Variants in SRPK2 observed in about 807,000 individuals in gnomAD.
SRPK2 encodes SFRS protein kinase 2.
Under a neutral mutation model 90.8 loss-of-function variants are expected in SRPK2, and 21 were observed. The observed-to-expected ratio is 0.23, with a 90% CI of 0.16 to 0.33. The LOEUF (loss-of-function observed/expected upper bound fraction) is 0.33, where lower values mean the gene tolerates loss of function less well. Ranked by LOEUF, SRPK2 falls within the 10% of genes least tolerant of loss-of-function variation. SRPK2 has a pLI of 1.00. For missense variants in SRPK2, 620 were observed against 869.0 expected (o/e 0.71, Z 3.60); for synonymous variants, 288 against 311.1 (o/e 0.93, Z 0.78).
intron 2 of SRPK2, among the ~76,000 whole-genome samples, chr7:105,299,142 C>T (rs1810216420): frequency 1.3e-5 from 2 of 152,236 alleles, no homozygotes; most frequent in East Asian, 3.8e-4. Flanking sequence ...GCCTCTGTTT[C>T]TCTACAGTCC....
At chr7:105,244,415 C>G (rs1801280059) in intron 2 of SRPK2, among the ~76,000 whole-genome samples, 2 of 152,144 alleles carry the variant, frequency 1.3e-5, no homozygotes. Flanking sequence ...ACTAAAAATA[C>G]AAAAATTAGC....
At chr7:105,294,705 T>C (rs1809556628) in intron 2 of SRPK2, among the ~76,000 whole-genome samples, 1 of 152,096 alleles carries the variant, frequency 6.6e-6, no homozygotes, top group African/African-American at 2.4e-5. Flanking sequence ...TTTCTATTTT[T>C]AGTAGAGACA....
At position 105,142,178 on chromosome 7, in the gene SRPK2, T is replaced by C. The variant is rs1438961969; in HGVS notation, c.1373A>G (p.Glu458Gly). ...ELPNGRHKIP[E>G]SQFPEFSTSL... is the part of the protein sequence containing the mutation. ...GGTGGAAAACTCTGGGAACTGTGAC[T>C]CGGGAATTTTATGTCGTCCATTTGG... is the stretch of plus-strand genomic sequence containing the variant. The change falls in exon 11 of 16, where the codon GAG (glutamate) becomes GGG (glycine). Residue 458 changes from glutamate to glycine, a missense_variant. By Grantham distance (98) the Glu-to-Gly change is moderately conservative. Coordinates refer to ENST00000393651, the MANE Select transcript of SRPK2 (RefSeq NM_182692.3). The C allele has an allele frequency of 6.2e-7, 1 of 1,614,026 alleles. No individual in the cohort carries two copies. Among genetic ancestry groups the C allele is most frequent in the African/African-American group, 1.3e-5 (1 of 74,918 alleles).
At chr7:105,123,486 A>C (rs999889480) in intron 15 of SRPK2, among the ~76,000 whole-genome samples, 2 of 152,218 alleles carry the variant, frequency 1.3e-5, no homozygotes, top group African/African-American at 4.8e-5. Context: ...AGCTGTTTTA[A>C]ATTTTGTTAT....
intron 7 of SRPK2, among the ~76,000 whole-genome samples, chr7:105,150,030 T>C (rs1428806241): frequency 1.3e-5 from 2 of 151,854 alleles, no homozygotes; most frequent in Non-Finnish European, 2.9e-5. Context: ...GAAATGAGTA[T>C]GACGGGTGGG....
intron 2 of SRPK2, among the ~76,000 whole-genome samples, chr7:105,388,220 G>A (rs1821864268): frequency 6.6e-6 from 1 of 151,904 alleles, no homozygotes; most frequent in Non-Finnish European, 1.5e-5. Context: ...TCGGCCCGCG[G>A]CTCAGGTGGG....
At chr7:105,390,841 G>A (rs577736620), upstream of SRPK2, among the ~76,000 whole-genome samples, 1 of 151,742 alleles carries the variant, frequency 6.6e-6, no homozygotes, top group Admixed American at 6.6e-5. Flanking sequence ...TCCCTGTTTT[G>A]GATTTGTCTG....
chr7:105,192,494 G>A (rs1215393597), intron 3 of SRPK2, among the ~76,000 whole-genome samples: 1 of 152,212 alleles, frequency 6.6e-6, no homozygotes, highest in African/African-American at 2.4e-5. Flanking sequence ...TGTGAATTGT[G>A]CTGCTATAAA....
intron 3 of SRPK2, among the ~76,000 whole-genome samples, chr7:105,199,935 G>C (rs1262209809): frequency 6.8e-6 from 1 of 147,828 alleles, no homozygotes; most frequent in African/African-American, 2.5e-5. Flanking sequence ...TCTGTGAAAA[G>C]AGTAGACTCC....
intron 2 of SRPK2, among the ~76,000 whole-genome samples, chr7:105,284,034 G>A (rs927479611): frequency 1.3e-5 from 2 of 152,190 alleles, no homozygotes; most frequent in Non-Finnish European, 1.5e-5. Flanking sequence ...TTACAATGCT[G>A]ACAAGTTACT....
intron 2 of SRPK2, among the ~76,000 whole-genome samples, chr7:105,342,035 G>A (rs1815867558): frequency 6.6e-6 from 1 of 151,998 alleles, no homozygotes; most frequent in Non-Finnish European, 1.5e-5. Context: ...AGGCCAAGGT[G>A]GGCGGATCAG....
In SRPK2 at chr7:105,232,746, G is replaced by A. The variant is rs532539749; in HGVS notation, c.72-28961C>T. The stretch of plus-strand genomic sequence containing the variant: ...AAAAAAAAAGATAACCAGGCTCAGC[G>A]GCTCACGCCTGTAATCCCAGCACTT... On this transcript the variant is annotated intron_variant, in intron 2 of 15. Coordinates refer to ENST00000393651, the MANE Select transcript of SRPK2 (RefSeq NM_182692.3). Among the ~76,000 whole-genome samples, 21 of 152,024 alleles carry A rather than the reference G, an allele frequency of 1.4e-4. No homozygotes were observed. In the South Asian group the frequency reaches 2.7e-3, roughly 20 times the overall value.
intron 2 of SRPK2, among the ~76,000 whole-genome samples, chr7:105,309,487 T>G (rs894742193): frequency 2.6e-5 from 4 of 152,220 alleles, no homozygotes; most frequent in Non-Finnish European, 5.9e-5. Context: ...CACATACACA[T>G]GAGTATCTGC....
chr7:105,115,929 A>C (rs180757141), downstream of SRPK2, among the ~76,000 whole-genome samples: 62 of 152,166 alleles, frequency 4.1e-4, no homozygotes, highest in African/African-American at 1.5e-3. Context: ...TCTATCACAG[A>C]ATTTACATGG....
chr7:105,300,663 T>C (rs1195611962), intron 2 of SRPK2, among the ~76,000 whole-genome samples: 1 of 151,802 alleles, frequency 6.6e-6, no homozygotes, highest in African/African-American at 2.4e-5. Context: ...TAAACAAATA[T>C]ACAAGAAAAA....
chr7:105,279,298 A>AACTTCCAAAG (rs11282671), intron 2 of SRPK2, among the ~76,000 whole-genome samples: 1 of 151,704 alleles, frequency 6.6e-6, no homozygotes, highest in African/African-American at 2.4e-5. Context: ...TCTGATTTAG[A>AACTTCCAAAG]TAGCTGCTGC....
At chr7:105,330,818 T>C (rs1168758275) in intron 2 of SRPK2, among the ~76,000 whole-genome samples, 1 of 151,842 alleles carries the variant, frequency 6.6e-6, no homozygotes, top group Non-Finnish European at 1.5e-5. Flanking sequence ...CTGTCTCTAT[T>C]TAAAAAAAAA....
At chr7:105,187,589 A>G (rs1793751904) in intron 3 of SRPK2, among the ~76,000 whole-genome samples, 1 of 152,200 alleles carries the variant, frequency 6.6e-6, no homozygotes, top group Non-Finnish European at 1.5e-5. Flanking sequence ...AAATGCTATT[A>G]TTAAATCCTT....
chr7:105,348,068 CTTTTTTTTTTT>C lies in SRPK2; in HGVS notation c.71+40569_71+40579del, dbSNP rs770159031. The stretch of plus-strand genomic sequence containing the variant: ...AATGAGAATATGGCTGCTTGGCAAA[CTTTTTTTTTTT>C]TTTTTTTTTTTTTTGAGATGGAGTT... On this transcript the variant is annotated intron_variant, in intron 2 of 15. Transcript: ENST00000393651. 3.0e-4 allele frequency among the ~76,000 whole-genome samples: 24 copies of C among 81,020 alleles called. No homozygotes were observed. In the Admixed American group the frequency reaches 3.6e-3, roughly 12 times the overall value. The allele number at this position is 81,020 out of a possible 152,430, so 53.2% of individuals were successfully genotyped here.
Sources: gnomAD v4.1 joint callset for allele counts (sites outside exome capture counted in the v4.1 genomes callset) on GRCh38, gnomAD v4.1.1 for gene constraint, MANE v1.5 for transcripts, NCBI Gene and HGNC (gene_info 2026-07-23, HGNC 2026-07-21) for gene names.